The following SLX9 variants were observed in gnomAD, a reference collection of about 807,000 sequenced individuals.
SLX9 encodes ribosome biogenesis protein SLX9 homolog.
In SLX9, 19 loss-of-function variants were observed where a neutral mutation model predicts 20.8. The ratio of observed to expected loss-of-function variants is 0.91; its 90% confidence interval spans 0.64 to 1.34. SLX9 has a LOEUF of 1.34. Ranked by LOEUF, SLX9 falls within the 40% of genes most tolerant of loss-of-function variation. The probability of loss-of-function intolerance (pLI) is 0.00; values close to 1 mark genes in which losing one functional copy is unlikely to be tolerated. For missense variants in SLX9, 299 were observed against 322.2 expected (o/e 0.93, Z 0.55); for synonymous variants, 113 against 137.1 (o/e 0.82, Z 1.23).
At chr21:44,970,309 C>T (rs2085119727) in intron 4 of SLX9, among the ~76,000 whole-genome samples, 1 of 152,216 alleles carries the variant, frequency 6.6e-6, no homozygotes. Flanking sequence ...TTACACACAG[C>T]GTTACTTGAT....
chr21:44,947,243 C>A (rs894410354), intron 2 of SLX9, among the ~76,000 whole-genome samples: 1 of 152,234 alleles, frequency 6.6e-6, no homozygotes, highest in African/African-American at 2.4e-5. Context: ...GGCCGCCACC[C>A]TTCAATGACC....
At chr21:44,973,129 C>A in intron 4 of SLX9, 68 bp from the exon 5 acceptor site, 1 of 1,570,182 alleles carries the variant, frequency 6.4e-7, no homozygotes, top group Non-Finnish European at 8.8e-7. Context: ...GAGGAGCCAG[C>A]CTCTGCCCAC....
chr21:44,939,801 C>G, upstream of SLX9: 1 of 552,556 alleles, frequency 1.8e-6, no homozygotes, highest in Non-Finnish European at 3.3e-6. Context: ...GGGTCCCCCA[C>G]GATCTAGACA....
chr21:44,959,287 T>C (rs1192273636), intron 2 of SLX9: 1 of 983,620 alleles, frequency 1.0e-6, no homozygotes, highest in Non-Finnish European at 1.2e-6. Context: ...CTGGGAGATG[T>C]GTTCTGGGGA....
At chr21:44,940,018 C>T (rs776706641), upstream of SLX9, 46 of 1,388,284 alleles carry the variant, frequency 3.3e-5, no homozygotes, top group East Asian at 1.1e-3. Context: ...GACCAGCTTC[C>T]GGGAGGCGCT....
chr21:44,970,798 T>C (rs1366055606), intron 4 of SLX9, among the ~76,000 whole-genome samples: 1 of 152,180 alleles, frequency 6.6e-6, no homozygotes, highest in African/African-American at 2.4e-5. Context: ...GGAGAACATA[T>C]GGCTTGGGCT....
chr21:44,950,256 T>C (rs1228600646), intron 2 of SLX9, among the ~76,000 whole-genome samples: 1 of 148,132 alleles, frequency 6.8e-6, no homozygotes, highest in African/African-American at 2.5e-5. Context: ...AAATCCCTTT[T>C]TTAAGACCTT....
At chr21:44,966,808 C>G (rs1475370160) in intron 3 of SLX9, among the ~76,000 whole-genome samples, 2 of 152,264 alleles carry the variant, frequency 1.3e-5, no homozygotes, top group Non-Finnish European at 2.9e-5. Context: ...AGTTCCACCT[C>G]ATTGTCAGCC....
intron 3 of SLX9, among the ~76,000 whole-genome samples, chr21:44,963,444 T>G (rs1426328606): frequency 6.6e-6 from 1 of 151,774 alleles, no homozygotes; most frequent in Admixed American, 6.6e-5. Flanking sequence ...TTATTGTGTG[T>G]GTGTATATGT....
chr21:44,950,547 T>G (rs2084737879), intron 2 of SLX9, among the ~76,000 whole-genome samples: 1 of 152,170 alleles, frequency 6.6e-6, no homozygotes, highest in South Asian at 2.1e-4. Flanking sequence ...GGGAGCCCAA[T>G]GACTTGTTTC....
chr21:44,976,275 A>G (rs2085260299), intron 5 of SLX9, among the ~76,000 whole-genome samples: 1 of 151,872 alleles, frequency 6.6e-6, no homozygotes, highest in Admixed American at 6.5e-5. Context: ...CTGCCGGCTC[A>G]GGCTCTCGGC....
At chr21:44,944,302 T>G (rs1442404797) in intron 2 of SLX9, among the ~76,000 whole-genome samples, 1 of 152,154 alleles carries the variant, frequency 6.6e-6, no homozygotes, top group Non-Finnish European at 1.5e-5. Context: ...TTTCATCAGA[T>G]CCATGCGCAG....
chr21:44,967,258 A>T, intron 4 of SLX9, 77 bp downstream of exon 4: 2 of 1,492,944 alleles, frequency 1.3e-6, no homozygotes. Context: ...TATGAGTGGG[A>T]GCCACGGGCC....
chr21:44,964,653 C>T (rs2085002510), intron 3 of SLX9, among the ~76,000 whole-genome samples: 1 of 152,226 alleles, frequency 6.6e-6, no homozygotes, highest in Non-Finnish European at 1.5e-5. Context: ...CACACATGTC[C>T]CACTTGACTT....
intron 4 of SLX9, among the ~76,000 whole-genome samples, chr21:44,972,784 C>T (rs553543653): frequency 6.6e-6 from 1 of 152,252 alleles, no homozygotes; most frequent in South Asian, 2.1e-4. Flanking sequence ...GTCCTTTGGC[C>T]CGAAGTGTGA....
At chr21:44,946,452 C>A (rs184563775) in intron 2 of SLX9, among the ~76,000 whole-genome samples, 2 of 152,166 alleles carry the variant, frequency 1.3e-5, no homozygotes, top group Admixed American at 1.3e-4. Context: ...TTGAGCCGTG[C>A]GGCAGGGTCA....
At chr21:44,963,388 T>TC (rs1320276471) in intron 3 of SLX9, among the ~76,000 whole-genome samples, 1 of 151,840 alleles carries the variant, frequency 6.6e-6, no homozygotes, top group Non-Finnish European at 1.5e-5. Flanking sequence ...TTTTTTTTTT[T>TC]TTAAATAAAC....
rs560684833 is a variant in SLX9, at chr21:44,973,087, C to T, written c.501-110C>T. On this transcript the variant is annotated intron_variant, in intron 4 of 5. Coordinates refer to ENST00000291634, the MANE Select transcript of SLX9 (RefSeq NM_058190.4). ...TGTGGTTCTGCAGTGGTTTGGTCAC[C>T]TCTGGCCACCACGACGTCTGCTCTA... The T allele has an allele frequency of 3.5e-6, 4 of 1,150,838 alleles. No homozygotes were observed. The East Asian group carries it at 1.1e-4, about 32-fold the overall frequency. 71.3% of individuals were successfully genotyped at this position (1,150,838 alleles called of 1,614,324 possible). A position where few individuals can be genotyped will look rare whatever the true frequency, so the allele number is the denominator to read the frequency against.
intron 2 of SLX9, among the ~76,000 whole-genome samples, chr21:44,945,955 G>C (rs144306178): frequency 2.0e-4 from 31 of 152,052 alleles, no homozygotes; most frequent in African/African-American, 7.0e-4. Flanking sequence ...GGATGGTCTC[G>C]ATCTCTTGAC....
Sources: allele counts gnomAD v4.1 joint callset (sites outside exome capture counted in the v4.1 genomes callset), GRCh38; gene constraint gnomAD v4.1.1; transcripts MANE v1.5; gene names NCBI Gene and HGNC (gene_info 2026-07-23, HGNC 2026-07-21).